Variants in ADGRV1 observed in about 807,000 individuals in gnomAD.
ADGRV1 encodes the protein adhesion G protein-coupled receptor V1, also known as G-protein coupled receptor 98.
Under a neutral mutation model 596.2 loss-of-function variants are expected in ADGRV1, and 359 were observed. That is an observed-to-expected ratio of 0.60 (90% CI 0.55 to 0.66). The LOEUF is 0.66. ADGRV1 is among the 30% of genes least tolerant of loss of function. The pLI, the probability that ADGRV1 is intolerant of heterozygous loss-of-function variation, is 0.00. For synonymous variants in ADGRV1, 2,681 were observed against 2,679.2 expected (o/e 1.00, Z -0.02); for missense variants, 7,274 against 7,575.6 (o/e 0.96, Z 1.48).
At position 90,763,536 on chromosome 5, in the gene ADGRV1, A is replaced by G. The variant is rs759855408; in HGVS notation, c.12285+67A>G. 2.1e-4 allele frequency: 313 copies of G among 1,491,756 alleles called. 1 individual carries two copies. Among genetic ancestry groups the G allele is most frequent in the Non-Finnish European group, 3.0e-5 (32 of 1,081,492 alleles). 92.4% of individuals were successfully genotyped at this position (1,491,756 alleles called of 1,614,324 possible). ...GTCTTTGATTTTCTTTTTCCTTTTT[A>G]TTGTAAATTCAGGGAGCACATGTGC... On this transcript the variant is annotated intron_variant, in intron 59 of 89. Coordinates refer to ENST00000405460, the MANE Select transcript of ADGRV1 (RefSeq NM_032119.4).
At chr5:90,668,675 C>G (rs1359790541) in intron 21 of ADGRV1, among the ~76,000 whole-genome samples, 1 of 152,136 alleles carries the variant, frequency 6.6e-6, no homozygotes, top group African/African-American at 2.4e-5. Flanking sequence ...CATTCGAAAG[C>G]TCTTTTAGAA....
intron 75 of ADGRV1, among the ~76,000 whole-genome samples, chr5:90,816,382 TTTA>T (rs972956540): frequency 3.4e-4 from 49 of 144,676 alleles, no homozygotes; most frequent in Admixed American, 5.3e-4. Flanking sequence ...TTTTTTAAAT[TTTA>T]TTATTATTAT....
intron 67 of ADGRV1, 66 bp downstream of exon 67, chr5:90,784,123 C>G (rs1290362165): frequency 6.1e-6 from 6 of 988,580 alleles, no homozygotes; most frequent in Non-Finnish European, 8.9e-6. Flanking sequence ...AGTGTGTTTT[C>G]TCATTGCCCA....
At chr5:91,154,842 C>T (rs1257634570) in intron 89 of ADGRV1, among the ~76,000 whole-genome samples, 1 of 152,160 alleles carries the variant, frequency 6.6e-6, no homozygotes, top group Non-Finnish European at 1.5e-5. Context: ...CACTCACTAT[C>T]ATAAGAATAG....
chr5:90,904,336 A>C (rs1379211699), intron 83 of ADGRV1, among the ~76,000 whole-genome samples: 1 of 152,120 alleles, frequency 6.6e-6, no homozygotes, highest in East Asian at 1.9e-4. Context: ...AGGAACCTCC[A>C]AACTGTTCTC....
chr5:90,944,347 A>T (rs559211941), intron 83 of ADGRV1, among the ~76,000 whole-genome samples: 1 of 152,270 alleles, frequency 6.6e-6, no homozygotes, highest in East Asian at 1.9e-4. Flanking sequence ...TTACATGTAT[A>T]CATTTTTTTA....
chr5:90,699,336 T>G (rs1393038606), intron 34 of ADGRV1, among the ~76,000 whole-genome samples: 1 of 152,160 alleles, frequency 6.6e-6, no homozygotes, highest in African/African-American at 2.4e-5. Context: ...TGAGAAGCAC[T>G]GCTTATTGGC....
chr5:90,567,749 T>C lies in ADGRV1; in HGVS notation c.22+8832T>C, dbSNP rs1446211252. Among the ~76,000 whole-genome samples, 4 of 151,980 alleles carry C rather than the reference T, an allele frequency of 2.6e-5. No individual in the cohort carries two copies. In the East Asian group the frequency reaches 7.7e-4, roughly 29 times the overall value. ...TGTCAGTTTTGTTATCTTTTTTTTT[T>C]TTTTGACAGAATCTTGGTCTGTTAC... On this transcript the variant is annotated intron_variant, in intron 1 of 89. Coordinates refer to ENST00000405460, the MANE Select transcript of ADGRV1 (RefSeq NM_032119.4).
chr5:90,645,850 G>A, intron 15 of ADGRV1, 118 bp from the exon 16 acceptor site: 4 of 733,528 alleles, frequency 5.5e-6, no homozygotes, highest in Non-Finnish European at 5.7e-6. Context: ...CTCCGAAAAG[G>A]AAATGAATAA....
At chr5:90,991,434 T>C (rs1487325696) in intron 85 of ADGRV1, among the ~76,000 whole-genome samples, 1 of 152,122 alleles carries the variant, frequency 6.6e-6, no homozygotes, top group Admixed American at 6.5e-5. Flanking sequence ...TGATTACTGT[T>C]TTTTAGTTTT....
At chr5:90,577,845 T>C (rs543272686) in intron 1 of ADGRV1, among the ~76,000 whole-genome samples, 1 of 152,314 alleles carries the variant, frequency 6.6e-6, no homozygotes, top group African/African-American at 2.4e-5. Flanking sequence ...CCTTTGTAAG[T>C]TGGATTCCTA....
In ADGRV1 at chr5:90,975,739, A is replaced by T. The variant is rs377294430; in HGVS notation, c.17974-9605A>T. Reference sequence around the variant, plus strand: ...GAGGGGTTAGGGAAAGCATTAGGAGATATACCTAATGTAAATGACGAGTTA... The same window carrying T: ...GAGGGGTTAGGGAAAGCATTAGGAGTTATACCTAATGTAAATGACGAGTTA... On this transcript the variant is annotated intron_variant, in intron 84 of 89. Coordinates refer to ENST00000405460, the MANE Select transcript of ADGRV1 (RefSeq NM_032119.4). Among the ~76,000 whole-genome samples, 14 of 152,244 alleles carry T rather than the reference A, an allele frequency of 9.2e-5. No homozygotes were observed. In the East Asian group the frequency reaches 2.1e-3, roughly 23 times the overall value.
At chr5:90,890,692 C>T (rs1429416918) in intron 83 of ADGRV1, among the ~76,000 whole-genome samples, 3 of 152,092 alleles carry the variant, frequency 2.0e-5, no homozygotes, top group Non-Finnish European at 4.4e-5. Flanking sequence ...GTGTAAATGT[C>T]TAGAAGGGTA....
chr5:90,716,842 G>C, intron 43 of ADGRV1, 113 bp downstream of exon 43: 1 of 729,430 alleles, frequency 1.4e-6, no homozygotes. Flanking sequence ...TTCCAGCTTA[G>C]GTGTTAGACA....
intron 29 of ADGRV1, among the ~76,000 whole-genome samples, chr5:90,688,391 T>A (rs922614133): frequency 6.6e-6 from 1 of 152,228 alleles, no homozygotes; most frequent in South Asian, 2.1e-4. Flanking sequence ...GGAGTCTTGC[T>A]CTGTCACCCA....
chr5:90,629,702 C>A, intron 9 of ADGRV1, 163 bp downstream of exon 9: 1 of 563,576 alleles, frequency 1.8e-6, no homozygotes, highest in Non-Finnish European at 3.1e-6. Flanking sequence ...TATGCCTGCT[C>A]CTAAGGTATA....
intron 87 of ADGRV1, among the ~76,000 whole-genome samples, chr5:91,118,923 C>T (rs1793075951): frequency 6.6e-6 from 1 of 152,032 alleles, no homozygotes; most frequent in Admixed American, 6.6e-5. Flanking sequence ...GTTTCATCAA[C>T]TAGAACTTAT....
chr5:90,966,118 G>A (rs1389380271), intron 84 of ADGRV1, among the ~76,000 whole-genome samples: 1 of 152,168 alleles, frequency 6.6e-6, no homozygotes, highest in Non-Finnish European at 1.5e-5. Flanking sequence ...CAAATTTCTG[G>A]CCGGGTATCT....
At chr5:90,757,213 T>C (rs1176531360) in intron 57 of ADGRV1, 52 bp downstream of exon 57, 2 of 1,469,724 alleles carry the variant, frequency 1.4e-6, no homozygotes, top group Admixed American at 3.5e-5. Flanking sequence ...TCAGACATTT[T>C]GTAGGCATCC....
Sources: allele counts gnomAD v4.1 joint callset (sites outside exome capture counted in the v4.1 genomes callset), GRCh38; gene constraint gnomAD v4.1.1; transcripts MANE v1.5; gene names NCBI Gene and HGNC (gene_info 2026-07-23, HGNC 2026-07-21).